Variants in PRRC2B observed in about 807,000 individuals in gnomAD.
PRRC2B encodes proline rich coiled-coil 2B, also known as protein PRRC2B.
In PRRC2B, 68 loss-of-function variants were observed where a neutral mutation model predicts 242.3. The observed-to-expected ratio is 0.28, with a 90% CI of 0.23 to 0.34. The LOEUF is 0.34. Ranked by LOEUF, PRRC2B falls within the 10% of genes least tolerant of loss-of-function variation. The pLI is 1.00. For missense variants in PRRC2B, 2,835 were observed against 2,954.8 expected (o/e 0.96, Z 0.94); for synonymous variants, 1,228 against 1,173.6 (o/e 1.05, Z -0.95).
chr9:131,472,613 A>G (rs753403478), intron 14 of PRRC2B, among the ~76,000 whole-genome samples: 1 of 151,386 alleles, frequency 6.6e-6, no homozygotes, highest in Non-Finnish European at 1.5e-5. Flanking sequence ...AGTAGCTGAG[A>G]TTACAGGCAC....
chr9:131,450,054 T>G (rs1210257376), intron 9 of PRRC2B, among the ~76,000 whole-genome samples: 1 of 152,230 alleles, frequency 6.6e-6, no homozygotes, highest in African/African-American at 2.4e-5. Flanking sequence ...CTGGACACTG[T>G]TCCATTGATC....
intron 1 of PRRC2B, among the ~76,000 whole-genome samples, chr9:131,412,494 A>G (rs1180805126): frequency 2.0e-5 from 3 of 152,056 alleles, no homozygotes; most frequent in Non-Finnish European, 2.9e-5. Context: ...GTGCATGCAC[A>G]CGCTGTTGGG....
chr9:131,423,520 G>C (rs947960591), intron 1 of PRRC2B, among the ~76,000 whole-genome samples: 2 of 152,208 alleles, frequency 1.3e-5, no homozygotes, highest in East Asian at 1.9e-4. Context: ...GGCCAGCCTC[G>C]CACTCAGCCG....
intron 19 of PRRC2B, among the ~76,000 whole-genome samples, chr9:131,480,877 G>A (rs1053099119): frequency 5.9e-5 from 9 of 152,164 alleles, no homozygotes; most frequent in African/African-American, 1.9e-4. Flanking sequence ...CTCTGTAGAA[G>A]CCACCAACTT....
chr9:131,413,267 T>C (rs1047447325), intron 1 of PRRC2B, among the ~76,000 whole-genome samples: 1 of 152,152 alleles, frequency 6.6e-6, no homozygotes, highest in African/African-American at 2.4e-5. Flanking sequence ...TCGCCTCTTT[T>C]AAAAAGTTCT....
In PRRC2B at chr9:131,427,343, G is replaced by T. The variant is rs568265883; in HGVS notation, c.-51-2751G>T. Among the ~76,000 whole-genome samples, 629 of 151,414 alleles carry T rather than the reference G, an allele frequency of 4.2e-3. 6 individuals carry two copies. Among genetic ancestry groups the T allele is most frequent in the African/African-American group, 0.014 (599 of 41,366 alleles). The stretch of plus-strand genomic sequence containing the variant: ...ATAATATAGTTGTGTGTGTGTGTGT[G>T]TTTTTTTGATGGAGTCTTGCTCTGT... On this transcript the variant is annotated intron_variant, in intron 1 of 31. Coordinates refer to ENST00000683519, the MANE Select transcript of PRRC2B (RefSeq NM_013318.4).
rs1433187856 is a variant in PRRC2B at position 131,400,925 on chromosome 9, C to T, written c.-52+6662C>T. On this transcript the variant is annotated intron_variant, in intron 1 of 31. Coordinates refer to ENST00000683519, the MANE Select transcript of PRRC2B (RefSeq NM_013318.4). ...GGAGGAGGCCCTGGAGAGCCCCCCA[C>T]CTAACTTTGGCCTCATCCTCTTGTG... Among the ~76,000 whole-genome samples, 4 of 151,842 alleles carry T rather than the reference C, an allele frequency of 2.6e-5. No individual in the cohort carries two copies. In the South Asian group the frequency reaches 8.3e-4, roughly 32 times the overall value.
rs575032685 is a variant in PRRC2B, at chr9:131,455,174, C to G, written c.1211+8C>G. ...GGACGGCAGGCCAAAGTGGTAAGGA[C>G]CCGTTCCTGCCCTATCAGCATGAGT... On this transcript the variant is annotated splice_region_variant and intron_variant, in intron 10 of 31. Coordinates refer to ENST00000683519, the MANE Select transcript of PRRC2B (RefSeq NM_013318.4). The G allele has an allele frequency of 1.9e-6, 3 of 1,596,160 alleles. No individual in the cohort carries two copies. In the South Asian group the frequency reaches 3.3e-5, roughly 18 times the overall value.
At chr9:131,438,023 C>T (rs1011840714) in intron 4 of PRRC2B, among the ~76,000 whole-genome samples, 11 of 152,144 alleles carry the variant, frequency 7.2e-5, no homozygotes, top group Non-Finnish European at 2.9e-5. Flanking sequence ...ACAGGGGTCA[C>T]CTTATCCAGT....
At chr9:131,484,866 G>A (rs541396245) in intron 24 of PRRC2B, 76 bp downstream of exon 24, 302 of 1,564,200 alleles carry the variant, frequency 1.9e-4, no homozygotes, top group Admixed American at 1.8e-3. Context: ...AGGAGTCCCC[G>A]AACCCCTAAA....
At chr9:131,467,486 G>T in intron 12 of PRRC2B, 77 bp from the exon 13 acceptor site, 1 of 1,279,880 alleles carries the variant, frequency 7.8e-7, no homozygotes, top group Non-Finnish European at 1.1e-6. Flanking sequence ...ACAGGAAGAA[G>T]TACTTGTTTG....
At position 131,446,306 on chromosome 9, in the gene PRRC2B, G is replaced by C; in HGVS notation, c.614-95G>C. ...TTTTTGTTTTTCATTTTATTTTTTT[G>C]GTGAAGGAGGGGGTCCCTTGACCTT... On this transcript the variant is annotated intron_variant, in intron 6 of 31. Coordinates refer to ENST00000683519, the MANE Select transcript of PRRC2B (RefSeq NM_013318.4). The surrounding 1 kb of genome is among the most constrained non-coding windows in gnomAD (Gnocchi z 4.1). 1 of 1,408,190 alleles carries C rather than the reference G, an allele frequency of 7.1e-7. No homozygotes were observed. The highest frequency in any genetic ancestry group is 9.6e-7 in the Non-Finnish European group (1 of 1,043,274). 87.2% of individuals were successfully genotyped at this position (1,408,190 alleles called of 1,614,324 possible).
intron 2 of PRRC2B, among the ~76,000 whole-genome samples, chr9:131,430,581 G>GTGTGTGTGTGTA (rs1838127228): frequency 7.4e-6 from 1 of 135,212 alleles, no homozygotes; most frequent in African/African-American, 3.0e-5. Flanking sequence ...GTGTGTGTGT[G>GTGTGTGTGTGTA]TGTGTGTGTG....
At chr9:131,483,810 A>G (rs898864272) in intron 23 of PRRC2B, among the ~76,000 whole-genome samples, 11 of 152,112 alleles carry the variant, frequency 7.2e-5, no homozygotes, top group Admixed American at 2.6e-4. Flanking sequence ...GCCGCCTGCA[A>G]TCTAACTGTT....
chr9:131,447,531 T>G, intron 8 of PRRC2B, 131 bp from the exon 9 acceptor site: 1 of 1,014,744 alleles, frequency 9.9e-7, no homozygotes, highest in Non-Finnish European at 1.4e-6. Flanking sequence ...ATATATTTCT[T>G]TTAAAGGAAC....
rs376856745 is a variant in PRRC2B at position 131,473,604 on chromosome 9, T to C, written c.2204T>C (p.Val735Ala). 140 of 1,612,988 alleles carry C rather than the reference T, an allele frequency of 8.7e-5. No homozygotes were observed. Among genetic ancestry groups the C allele is most frequent in the Non-Finnish European group, 1.1e-4 (132 of 1,179,588 alleles). Residue 735 changes from valine (V) to alanine (A), a missense_variant, in exon 15 of 32, where the codon GTG (valine) becomes GCG (alanine). Around this residue, in one of 7 missense-constraint regions of PRRC2B, gnomAD observed 1,536 missense variants for 1,483.1 expected, o/e 1.04. Coordinates refer to ENST00000683519, the MANE Select transcript of PRRC2B (RefSeq NM_013318.4). ...NCVPPLQERK[V>A]TPIDSPPVWS... Reference sequence around the variant, plus strand: ...GTGCCCCCACTCCAAGAAAGAAAAGTGACCCCCATCGACTCACCCCCTGTG... The same window carrying C: ...GTGCCCCCACTCCAAGAAAGAAAAGCGACCCCCATCGACTCACCCCCTGTG...
intron 5 of PRRC2B, among the ~76,000 whole-genome samples, chr9:131,442,416 G>A (rs1408359411): frequency 6.6e-6 from 1 of 152,122 alleles, no homozygotes; most frequent in East Asian, 1.9e-4. Flanking sequence ...ATAATGAAGC[G>A]ACTCTGAGTC....
At position 131,461,602 on chromosome 9, in the gene PRRC2B, C is replaced by T. The variant is rs142364499; in HGVS notation, c.1404+2246C>T. ...CTGTCGCCAGGCTGGAGTGCGGTGG[C>T]GTAATCTTGGCTCAGTGCAACCTCT... On this transcript the variant is annotated intron_variant, in intron 11 of 31. Coordinates refer to ENST00000683519, the MANE Select transcript of PRRC2B (RefSeq NM_013318.4). Among the ~76,000 whole-genome samples the T allele has an allele frequency of 4.3e-3, 653 of 152,264 alleles. 7 individuals are homozygous for T. Among genetic ancestry groups the T allele is most frequent in the Admixed American group, 0.014 (208 of 15,302 alleles).
intron 1 of PRRC2B, among the ~76,000 whole-genome samples, chr9:131,420,445 C>CTTT (rs1564278443): frequency 8.1e-6 from 1 of 123,344 alleles, no homozygotes; most frequent in African/African-American, 3.1e-5. Context: ...TTTTCTTTTT[C>CTTT]TTTTTCTTTT....
Sources: allele counts gnomAD v4.1 joint callset (sites outside exome capture counted in the v4.1 genomes callset), GRCh38; gene constraint gnomAD v4.1.1; regional missense constraint gnomAD v4.1.1; non-coding constraint Gnocchi (gnomAD v3.1); transcripts MANE v1.5; gene names NCBI Gene and HGNC (gene_info 2026-07-23, HGNC 2026-07-21).